Variants in GRIN2B observed in about 807,000 individuals in gnomAD.
GRIN2B encodes the protein glutamate receptor ionotropic, NMDA 2B.
GRIN2B carries 5 observed loss-of-function variants against 114.5 expected under a neutral mutation model. That is an observed-to-expected ratio of 0.04 (90% CI 0.02 to 0.09). The LOEUF is 0.09. GRIN2B is among the 10% of genes least tolerant of loss of function. The probability of loss-of-function intolerance (pLI) is 1.00; values close to 1 mark genes in which losing one functional copy is unlikely to be tolerated. For missense variants in GRIN2B, 1,108 were observed against 1,943.5 expected, an observed-to-expected ratio of 0.57 and a Z score of 8.08; for synonymous variants, 787 against 745.1, an observed-to-expected ratio of 1.06 and a Z score of -0.92.
chr12:13,745,110 T>C (rs1863354659), intron 4 of GRIN2B, among the ~76,000 whole-genome samples: 1 of 152,152 alleles, frequency 6.6e-6, no homozygotes, highest in African/African-American at 2.4e-5. Context: ...AGATCTCATG[T>C]AGATATAAAA....
chr12:13,687,470 G>A (rs1459833313), intron 4 of GRIN2B, among the ~76,000 whole-genome samples: 2 of 152,126 alleles, frequency 1.3e-5, no homozygotes, highest in Non-Finnish European at 2.9e-5. Context: ...CCTCTGAGAT[G>A]CATTCACAGC....
chr12:13,913,405 C>T (rs192828837), intron 2 of GRIN2B, among the ~76,000 whole-genome samples: 3 of 152,230 alleles, frequency 2.0e-5, no homozygotes, highest in East Asian at 1.9e-4. Context: ...ACAGTGCCCC[C>T]TTTGAGAACC....
At chr12:13,839,655 C>T (rs977926464) in intron 3 of GRIN2B, among the ~76,000 whole-genome samples, 1 of 152,144 alleles carries the variant, frequency 6.6e-6, no homozygotes, top group Non-Finnish European at 1.5e-5. Context: ...CAGAGACAAA[C>T]GGAAGCCCCA....
At position 13,847,515 on chromosome 12, in the gene GRIN2B, A is replaced by G. The variant is rs113512502; in HGVS notation, c.411+18283T>C. Among the ~76,000 whole-genome samples, 775 of 152,284 alleles carry G rather than the reference A, an allele frequency of 5.1e-3. 5 individuals carry two copies. Among genetic ancestry groups the G allele is most frequent in the African/African-American group, 9.2e-3 (384 of 41,564 alleles). On this transcript the variant is annotated intron_variant, in intron 3 of 13. Transcript: ENST00000609686. Reference sequence around the variant, plus strand: ...TTTAACTAATGCCAGGTCCAAAGGTAGGCTACAGAGGGGCCTCAGCACTGA... The same window carrying G: ...TTTAACTAATGCCAGGTCCAAAGGTGGGCTACAGAGGGGCCTCAGCACTGA...
At chr12:13,798,906 T>A (rs1260766575) in intron 3 of GRIN2B, among the ~76,000 whole-genome samples, 2 of 152,258 alleles carry the variant, frequency 1.3e-5, no homozygotes, top group African/African-American at 4.8e-5. Flanking sequence ...CCTTTCCCTG[T>A]TGCTCTTTTC....
intron 2 of GRIN2B, among the ~76,000 whole-genome samples, chr12:13,931,993 A>G (rs919704379): frequency 2.6e-5 from 4 of 152,194 alleles, no homozygotes; most frequent in Non-Finnish European, 5.9e-5. Flanking sequence ...AAAAGACAAC[A>G]TCCTCCAATC....
Position 13,900,103 on chromosome 12 carries a change from AG to A in GRIN2B, c.-18-33878del, listed in dbSNP as rs199649002. Reference sequence around the variant, plus strand: ...CACTCTCAAATATCCTTCCTCTACAAGTTCTTTTCATATCAACTCAAGAAAA... The same window carrying A: ...CACTCTCAAATATCCTTCCTCTACAATTCTTTTCATATCAACTCAAGAAAA... On this transcript the variant is annotated intron_variant, in intron 2 of 13. Transcript: ENST00000609686. Among the ~76,000 whole-genome samples, 871 of 152,286 alleles carry A rather than the reference AG, an allele frequency of 5.7e-3. 5 individuals carry two copies. Among genetic ancestry groups the A allele is most frequent in the Non-Finnish European group, 9.6e-3 (656 of 68,016 alleles).
chr12:13,608,023 G>C (rs1161810126), intron 10 of GRIN2B, among the ~76,000 whole-genome samples: 2 of 114 alleles, frequency 0.018, no homozygotes, highest in Non-Finnish European at 0.033. Context: ...AATTGCATAG[G>C]CCCGCAGAGG....
chr12:13,648,884 A>C (rs184494116), intron 5 of GRIN2B, among the ~76,000 whole-genome samples: 1 of 152,104 alleles, frequency 6.6e-6, no homozygotes, highest in East Asian at 1.9e-4. Context: ...TATCTTCTTT[A>C]ATTTATTAGG....
intron 5 of GRIN2B, among the ~76,000 whole-genome samples, chr12:13,670,552 T>C (rs558962692): frequency 5.6e-4 from 85 of 152,130 alleles, no homozygotes; most frequent in Non-Finnish European, 1.1e-3. Flanking sequence ...GCAGTAGCAA[T>C]GAAGCAAATC....
In GRIN2B at chr12:13,557,045, G is replaced by C. The variant is rs1948485810; in HGVS notation, c.*5738C>G. The stretch of plus-strand genomic sequence containing the variant: ...TTTCAATTTAAGGTTTTGGGTGAGG[G>C]CCTTTGTCATAGGAATAGATAGGCT... On this transcript the variant is annotated 3_prime_UTR_variant, in exon 14 of 14. Coordinates refer to ENST00000609686, the MANE Select transcript of GRIN2B (RefSeq NM_000834.5). 1 of 152,150 alleles carries C rather than the reference G, an allele frequency of 6.6e-6. No homozygotes were observed. The highest frequency in any genetic ancestry group is 1.5e-5 in the Non-Finnish European group (1 of 68,038). 9.4% of individuals were successfully genotyped at this position (152,150 alleles called of 1,614,324 possible). A position where few individuals can be genotyped will look rare whatever the true frequency, so the allele number is the denominator to read the frequency against.
intron 3 of GRIN2B, among the ~76,000 whole-genome samples, chr12:13,754,364 A>G (rs1863540797): frequency 6.6e-6 from 1 of 152,258 alleles, no homozygotes; most frequent in African/African-American, 2.4e-5. Context: ...ATACACACAC[A>G]TACATACTTT....
chr12:13,603,794 CAGG>C (rs1374364516), intron 10 of GRIN2B, among the ~76,000 whole-genome samples: 2 of 151,960 alleles, frequency 1.3e-5, no homozygotes, highest in Non-Finnish European at 1.5e-5. Flanking sequence ...AGATTAGCTA[CAGG>C]AGAAGCACCC....
intron 5 of GRIN2B, among the ~76,000 whole-genome samples, chr12:13,622,588 A>AC (rs1342389406): frequency 1.3e-5 from 2 of 152,306 alleles, no homozygotes; most frequent in South Asian, 2.1e-4. Flanking sequence ...TATAAAAAAA[A>AC]ACACACAGAC....
At chr12:13,691,174 G>A (rs1267912292) in intron 4 of GRIN2B, among the ~76,000 whole-genome samples, 1 of 151,980 alleles carries the variant, frequency 6.6e-6, no homozygotes, top group Admixed American at 6.6e-5. Context: ...GCAAGGTGAG[G>A]GTGAATAGTT....
Position 13,562,663 on chromosome 12 carries a change from T to C in GRIN2B, c.*120A>G. 2 of 884,792 alleles carry C rather than the reference T, an allele frequency of 2.3e-6. No homozygotes were observed. The highest frequency in any genetic ancestry group is 1.8e-5 in the Admixed American group (1 of 55,410). The allele number at this position is 884,792 out of a possible 1,614,324, so 54.8% of individuals were successfully genotyped here. On this transcript the variant is annotated 3_prime_UTR_variant, in exon 14 of 14. Coordinates refer to ENST00000609686, the MANE Select transcript of GRIN2B (RefSeq NM_000834.5). ...AGAACTCCAGGATCCCATAAATAAA[T>C]TAAAACAAGAAAGGAGCAAATGGGA...
intron 4 of GRIN2B, among the ~76,000 whole-genome samples, chr12:13,710,607 C>G (rs1180565868): frequency 6.6e-5 from 10 of 152,106 alleles, no homozygotes; most frequent in Non-Finnish European, 1.2e-4. Context: ...ACAGCCAAAT[C>G]ATGAGTGAAC....
chr12:13,837,898 TC>T (rs1477630255), intron 3 of GRIN2B, among the ~76,000 whole-genome samples: 3 of 152,120 alleles, frequency 2.0e-5, no homozygotes, highest in Non-Finnish European at 4.4e-5. Flanking sequence ...AGCTCCTACC[TC>T]CCTGCCTCCC....
intron 2 of GRIN2B, among the ~76,000 whole-genome samples, chr12:13,941,450 T>A (rs1363522253): frequency 6.6e-6 from 1 of 152,130 alleles, no homozygotes; most frequent in South Asian, 2.1e-4. Flanking sequence ...AAAATCACAA[T>A]GATGCTCTGA....
Sources: gnomAD v4.1 joint callset for allele counts (sites outside exome capture counted in the v4.1 genomes callset) on GRCh38, gnomAD v4.1.1 for gene constraint, MANE v1.5 for transcripts, NCBI Gene and HGNC (gene_info 2026-07-23, HGNC 2026-07-21) for gene names.